Variants in RFX3 observed in about 807,000 individuals in gnomAD.
RFX3 encodes transcription factor RFX3.
In RFX3, 14 loss-of-function variants were observed where a neutral mutation model predicts 98.6. The ratio of observed to expected loss-of-function variants is 0.14; its 90% CI spans 0.09 to 0.22. The LOEUF (loss-of-function observed/expected upper bound fraction) is 0.22. Ranked by LOEUF, RFX3 falls within the 10% of genes least tolerant of loss-of-function variation. The pLI is 1.00. For missense variants in RFX3, 639 were observed against 926.9 expected, an observed-to-expected ratio of 0.69 and a Z score of 4.03; for synonymous variants, 383 against 328.4, an observed-to-expected ratio of 1.17 and a Z score of -1.80.
intron 8 of RFX3, 42 bp downstream of exon 8, chr9:3,277,298 A>C: frequency 6.3e-7 from 1 of 1,597,882 alleles, no homozygotes; most frequent in Middle Eastern, 1.7e-4. Context: ...CTAACTTTTC[A>C]AAATCCTAGT....
At chr9:3,357,983 AGCACATAG>A (rs1287597552) in intron 2 of RFX3, among the ~76,000 whole-genome samples, 4 of 152,098 alleles carry the variant, frequency 2.6e-5, no homozygotes, top group Non-Finnish European at 5.9e-5. Flanking sequence ...CACAGGTGGT[AGCACATAG>A]CTTAGTACTA....
At position 3,504,553 on chromosome 9, in the gene RFX3, GCA is replaced by G; in HGVS notation, c.-9+21192_-9+21193del. Among the ~76,000 whole-genome samples the G allele has an allele frequency of 1.1e-4, 14 of 132,802 alleles. 1 individual carries two copies. Among genetic ancestry groups the G allele is most frequent in the African/African-American group, 2.4e-4 (8 of 33,510 alleles). 87.1% of individuals were successfully genotyped at this position (132,802 alleles called of 152,430 possible). A position where few individuals can be genotyped will look rare whatever the true frequency, so the allele number is the denominator to read the frequency against. ...TATTATATGCCATATGGTATATATT[GCA>G]TATAAAATATATAGTATATGCCATA... On this transcript the variant is annotated intron_variant, in intron 1 of 16. Transcript: ENST00000617270.
At chr9:3,454,248 G>A (rs1297568000) in intron 1 of RFX3, among the ~76,000 whole-genome samples, 1 of 152,124 alleles carries the variant, frequency 6.6e-6, no homozygotes, top group Non-Finnish European at 1.5e-5. Context: ...CACAGGATCT[G>A]TATTTGCATA....
intron 2 of RFX3, among the ~76,000 whole-genome samples, chr9:3,379,879 A>AATTT (rs36232668): frequency 2.9e-4 from 43 of 146,730 alleles, no homozygotes; most frequent in Admixed American, 1.4e-3. Context: ...ACTTATGGGC[A>AATTT]ATTTATTTAT....
At chr9:3,247,293 G>C (rs1006847358) in intron 15 of RFX3, 3 of 987,052 alleles carry the variant, frequency 3.0e-6, no homozygotes, top group Non-Finnish European at 3.6e-6. Flanking sequence ...AAGCCATTTT[G>C]ATGACTATTC....
chr9:3,285,759 G>C (rs1289805923), intron 7 of RFX3, among the ~76,000 whole-genome samples: 1 of 151,062 alleles, frequency 6.6e-6, no homozygotes, highest in Non-Finnish European at 1.5e-5. Flanking sequence ...TAAGAAATAA[G>C]AATCAAATTC....
chr9:3,258,832 T>C (rs927939498), intron 13 of RFX3, among the ~76,000 whole-genome samples: 2 of 151,456 alleles, frequency 1.3e-5, no homozygotes, highest in Non-Finnish European at 3.0e-5. Flanking sequence ...TATTTATGCA[T>C]ACATTTATAT....
intron 2 of RFX3, among the ~76,000 whole-genome samples, chr9:3,382,407 T>C (rs964871594): frequency 6.6e-6 from 1 of 152,158 alleles, no homozygotes; most frequent in Non-Finnish European, 1.5e-5. Flanking sequence ...TTTAAAAAAA[T>C]ACTGATCAAT....
rs1833521707 is a variant in RFX3, at chr9:3,338,866, G to GA, written c.215+7800dup. 1.1e-4 allele frequency among the ~76,000 whole-genome samples: 17 copies of GA among 152,328 alleles called. No homozygotes were observed. In the South Asian group the frequency reaches 3.5e-3, roughly 32 times the overall value. The stretch of plus-strand genomic sequence containing the variant: ...ACACTTTGGGAGGCCAAGACAGGCA[G>GA]ATCACAAGGTCAGGAGTTCGAGACC... On this transcript the variant is annotated intron_variant, in intron 3 of 16. Coordinates refer to ENST00000617270, the MANE Select transcript of RFX3 (RefSeq NM_001282116.2).
chr9:3,446,925 G>C (rs939991591), intron 1 of RFX3, among the ~76,000 whole-genome samples: 2 of 152,088 alleles, frequency 1.3e-5, no homozygotes, highest in East Asian at 1.9e-4. Flanking sequence ...AAATCAAGAA[G>C]CTTTGAGAAC....
intron 8 of RFX3, 112 bp downstream of exon 8, chr9:3,277,228 C>A (rs1825345894): frequency 1.8e-6 from 2 of 1,118,822 alleles, no homozygotes; most frequent in Admixed American, 2.1e-5. Flanking sequence ...AATTTTGGCA[C>A]CAAAAAAAAT....
intron 1 of RFX3, among the ~76,000 whole-genome samples, chr9:3,503,817 G>C (rs960812641): frequency 6.6e-6 from 1 of 151,880 alleles, no homozygotes; most frequent in Non-Finnish European, 1.5e-5. Context: ...ACACTGAAGA[G>C]CATTTTTATC....
rs376770899 is a variant in RFX3, at chr9:3,248,040, T to C, written c.1960A>G (p.Met654Val). ...QATGETPIAV[M>V]GEFGDLNAVS... ...CTTTCAGCCTCTCTTACCTCGCCCA[T>C]GACTGCTATAGGAGTCTCTCCTGTT... is the stretch of plus-strand genomic sequence containing the variant. The change falls in exon 15 of 17, where the codon ATG (methionine) becomes GTG (valine). Residue 654 changes from methionine to valine, a missense_variant. By Grantham distance (21) the Met-to-Val change is conservative (BLOSUM62 1). Around this residue, in one of 9 missense-constraint regions of RFX3, gnomAD observed 129 missense variants for 124.6 expected, o/e 1.04. Coordinates refer to ENST00000617270, the MANE Select transcript of RFX3 (RefSeq NM_001282116.2). The C allele has an allele frequency of 2.5e-6, 4 of 1,613,966 alleles. No homozygotes were observed. Among genetic ancestry groups the C allele is most frequent in the Non-Finnish European group, 3.4e-6 (4 of 1,179,960 alleles).
rs140643992 is a variant in RFX3, at chr9:3,291,255, G to A, written c.731+1822C>T. Among the ~76,000 whole-genome samples, 28 of 151,970 alleles carry A rather than the reference G, an allele frequency of 1.8e-4. No individual in the cohort carries two copies. The Middle Eastern group carries it at 0.01, about 55-fold the overall frequency. On this transcript the variant is annotated intron_variant, in intron 6 of 16. Transcript: ENST00000617270. ...TGGAGTGGGGTGGTGCCTGTAATCC[G>A]GGTTACTCGGGAGGCTGAGGCAGGA... is the stretch of plus-strand genomic sequence containing the variant.
rs771020347 is a variant in RFX3, at chr9:3,219,718, T to C, written c.*5324A>G. The C allele has an allele frequency of 1.3e-5, 2 of 152,108 alleles. No individual in the cohort carries two copies. Among genetic ancestry groups the C allele is most frequent in the Non-Finnish European group, 2.9e-5 (2 of 68,008 alleles). 9.4% of individuals were successfully genotyped at this position (152,108 alleles called of 1,614,324 possible). On this transcript the variant is annotated 3_prime_UTR_variant, in exon 17 of 17. Transcript: ENST00000617270. ...GAGAAGCATTTACAGTAAATCATCA[T>C]GAAGAATTCAAAAGAAGAGAGTTAA... is the stretch of plus-strand genomic sequence containing the variant.
chr9:3,263,269 T>C lies in RFX3; in HGVS notation c.1456-185A>G, dbSNP rs189826011. 5.0e-4 allele frequency among the ~76,000 whole-genome samples: 76 copies of C among 152,306 alleles called. 1 individual carries two copies. In the Middle Eastern group the frequency reaches 0.01, roughly 20 times the overall value. ...TAAATCTCTAAACCAAGTATTATTT[T>C]CCTTCTGAGTAGGTTGAGGTCAAGA... On this transcript the variant is annotated intron_variant, in intron 12 of 16. Transcript: ENST00000617270.
chr9:3,329,178 G>C (rs1832281991), intron 4 of RFX3, among the ~76,000 whole-genome samples: 2 of 151,960 alleles, frequency 1.3e-5, no homozygotes, highest in African/African-American at 4.8e-5. Context: ...AGGCTGAGGA[G>C]GGTGGGTTAC....
intron 2 of RFX3, among the ~76,000 whole-genome samples, chr9:3,370,226 A>G (rs1837688216): frequency 1.3e-5 from 2 of 151,440 alleles, no homozygotes; most frequent in Non-Finnish European, 2.9e-5. Flanking sequence ...AGAGCAAGTT[A>G]TCCAATGAGT....
chr9:3,230,572 A>G (rs919605497), intron 15 of RFX3, among the ~76,000 whole-genome samples: 1 of 152,210 alleles, frequency 6.6e-6, no homozygotes, highest in Non-Finnish European at 1.5e-5. Context: ...ACAAAAACCC[A>G]GAGGGATTCT....
Sources: gnomAD v4.1 joint callset for allele counts (sites outside exome capture counted in the v4.1 genomes callset) on GRCh38, gnomAD v4.1.1 for gene constraint, gnomAD v4.1.1 regional missense constraint, MANE v1.5 for transcripts, NCBI Gene and HGNC (gene_info 2026-07-23, HGNC 2026-07-21) for gene names.